The following ZHX3 variants were observed in gnomAD, a reference collection of about 807,000 sequenced individuals.
ZHX3 encodes the protein zinc fingers and homeoboxes protein 3.
ZHX3 carries 20 observed loss-of-function variants against 64.5 expected under a neutral mutation model. That is an observed-to-expected ratio of 0.31 (90% confidence interval 0.22 to 0.45). ZHX3 has a LOEUF of 0.45. Among genes scored for constraint, ZHX3 ranks in the 20% least tolerant of loss-of-function variants. The pLI is 1.00. For synonymous variants in ZHX3, 423 were observed against 461.6 expected (o/e 0.92, Z 1.07); for missense variants, 1,041 against 1,195.8 (o/e 0.87, Z 1.91).
chr20:41,300,900 AG>A (rs1278508193), intron 1 of ZHX3, among the ~76,000 whole-genome samples: 3 of 152,198 alleles, frequency 2.0e-5, no homozygotes. Context: ...GCTAAGGAGG[AG>A]GGCCTTTCAA....
intron 2 of ZHX3, among the ~76,000 whole-genome samples, chr20:41,225,171 C>A (rs753272027): frequency 2.0e-5 from 3 of 152,194 alleles, no homozygotes; most frequent in Admixed American, 6.5e-5. Flanking sequence ...CCTCACAATC[C>A]ATTTCCTCAT....
intron 2 of ZHX3, among the ~76,000 whole-genome samples, chr20:41,259,773 G>A (rs1014824275): frequency 1.3e-5 from 2 of 152,104 alleles, no homozygotes; most frequent in African/African-American, 2.4e-5. Flanking sequence ...CAATGACTCT[G>A]GGAGAATAGG....
intron 1 of ZHX3, among the ~76,000 whole-genome samples, chr20:41,273,988 A>AACATG (rs2043270294): frequency 6.6e-6 from 1 of 152,178 alleles, no homozygotes; most frequent in Non-Finnish European, 1.5e-5. Context: ...TCTATGATGT[A>AACATG]ATTTTAAGGT....
At position 41,232,191 on chromosome 20, in the gene ZHX3, T is replaced by C. The variant is rs1326383005; in HGVS notation, c.-150-27125A>G. ...GAGAAAAGGCCGAAGGGTGACTTAA[T>C]AACCATCTTCAATCATTGTTATTAC... On this transcript the variant is annotated intron_variant, in intron 2 of 3. Coordinates refer to ENST00000683867, the MANE Select transcript of ZHX3 (RefSeq NM_001384317.1). This position sits in a 1 kb window ranked among gnomAD's most constrained non-coding sequence, Gnocchi z 5.0. Among the ~76,000 whole-genome samples, 2 of 151,898 alleles carry C rather than the reference T, an allele frequency of 1.3e-5. No homozygotes were observed.
chr20:41,249,150 A>G (rs2041863881), intron 2 of ZHX3, among the ~76,000 whole-genome samples: 1 of 152,192 alleles, frequency 6.6e-6, no homozygotes, highest in African/African-American at 2.4e-5. Flanking sequence ...TTCCTCATTC[A>G]CAAATGGAAA....
At chr20:41,246,238 A>G (rs2041680243) in intron 2 of ZHX3, among the ~76,000 whole-genome samples, 1 of 152,222 alleles carries the variant, frequency 6.6e-6, no homozygotes, top group Non-Finnish European at 1.5e-5. Context: ...ACTAAAAGGT[A>G]TGTTTTCTGA....
chr20:41,253,171 A>T (rs1460958629), intron 2 of ZHX3, among the ~76,000 whole-genome samples: 1 of 151,808 alleles, frequency 6.6e-6, no homozygotes, highest in Non-Finnish European at 1.5e-5. Context: ...ACTTTAGCGT[A>T]TATTATTTGA....
intron 2 of ZHX3, among the ~76,000 whole-genome samples, chr20:41,250,781 T>C (rs2041953541): frequency 6.6e-6 from 1 of 152,012 alleles, no homozygotes. Context: ...AAAGAATAAC[T>C]CTTGAAAGCA....
chr20:41,232,334 T>G lies in ZHX3; in HGVS notation c.-150-27268A>C, dbSNP rs1474343072. On this transcript the variant is annotated intron_variant, in intron 2 of 3. Transcript: ENST00000683867. This position sits in a 1 kb window ranked among gnomAD's most constrained non-coding sequence, Gnocchi z 5.0. ...TAGTTTTAAACAAAGAACTCAATGG[T>G]TAAGAACTAGTATACAGCAAAGCAG... Among the ~76,000 whole-genome samples, 1 of 150,878 alleles carries G rather than the reference T, an allele frequency of 6.6e-6. No individual in the cohort carries two copies. Among genetic ancestry groups the G allele is most frequent in the Non-Finnish European group, 1.5e-5 (1 of 67,806 alleles).
At chr20:41,238,381 G>A (rs2041152592) in intron 2 of ZHX3, among the ~76,000 whole-genome samples, 1 of 151,862 alleles carries the variant, frequency 6.6e-6, no homozygotes, top group Non-Finnish European at 1.5e-5. Context: ...GAGACTAAGA[G>A]GGAAAAAAAG....
At chr20:41,218,923 GTTTTTTT>G (rs888061526) in intron 2 of ZHX3, among the ~76,000 whole-genome samples, 94 of 92,574 alleles carry the variant, frequency 1.0e-3, no homozygotes, top group African/African-American at 4.0e-3. Flanking sequence ...AAACAGTGCT[GTTTTTTT>G]TTTTTTTTTT....
chr20:41,295,303 T>C (rs2044453088), intron 1 of ZHX3, among the ~76,000 whole-genome samples: 1 of 152,008 alleles, frequency 6.6e-6, no homozygotes. Flanking sequence ...GCATAAAAAA[T>C]TAAAAATATA....
chr20:41,258,276 T>A (rs778238866), intron 2 of ZHX3, among the ~76,000 whole-genome samples: 1 of 152,220 alleles, frequency 6.6e-6, no homozygotes, highest in Non-Finnish European at 1.5e-5. Flanking sequence ...AGAGTTTCCA[T>A]ATATCCTGGC....
intron 2 of ZHX3, among the ~76,000 whole-genome samples, chr20:41,234,150 G>A (rs1384539684): frequency 6.6e-6 from 1 of 152,122 alleles, no homozygotes; most frequent in African/African-American, 2.4e-5. Flanking sequence ...AGCCTCACTC[G>A]GGCCCAACTT....
Position 41,203,610 on chromosome 20 carries a change from A to G in ZHX3, c.1307T>C (p.Leu436Ser), listed in dbSNP as rs138157230. Residue 436 changes from leucine to serine, a missense_variant, in exon 3 of 4, where the codon TTG becomes TCG. This residue lies in a region of ZHX3 where 649 missense variants were observed against 739.8 expected (regional missense o/e 0.88). Transcript: ENST00000683867. The surrounding 1 kb of genome is among the most constrained non-coding windows in gnomAD (Gnocchi z 7.1). ...GGGGAGAGGGGAACTTGTTGCTTGC[A>G]ACCCATTGGCCATCAATGGCTGAGT... ...LVTQPLMANGLQATSSPLPLT... is the reference protein window; with the variant it reads ...LVTQPLMANGSQATSSPLPLT... The G allele has an allele frequency of 6.0e-5, 97 of 1,614,032 alleles. No individual in the cohort carries two copies. The highest frequency in any genetic ancestry group is 1.3e-4 in the Admixed American group (8 of 60,010).
chr20:41,214,512 C>CT (rs1464761742), intron 2 of ZHX3, among the ~76,000 whole-genome samples: 1 of 152,110 alleles, frequency 6.6e-6, no homozygotes, highest in East Asian at 1.9e-4. Context: ...GGGCTACAGA[C>CT]CTCTTGAAGT....
chr20:41,181,398 A>C lies in ZHX3; in HGVS notation c.*3793T>G, dbSNP rs561118284. On this transcript the variant is annotated 3_prime_UTR_variant, in exon 4 of 4. Coordinates refer to ENST00000683867, the MANE Select transcript of ZHX3 (RefSeq NM_001384317.1). ...TCTGAGCAAGAAAAAAGAGAAGATG[A>C]CTTTAGGAAAATCCTAAACGAGGTT... The C allele has an allele frequency of 1.3e-5, 2 of 152,310 alleles. No homozygotes were observed. Among genetic ancestry groups the C allele is most frequent in the South Asian group, 4.1e-4 (2 of 4,820 alleles). 9.4% of individuals were successfully genotyped at this position (152,310 alleles called of 1,614,324 possible). A position where few individuals can be genotyped will look rare whatever the true frequency, so the allele number is the denominator to read the frequency against.
chr20:41,229,864 T>C (rs2040489617), intron 2 of ZHX3, among the ~76,000 whole-genome samples: 2 of 152,226 alleles, frequency 1.3e-5, no homozygotes, highest in Non-Finnish European at 2.9e-5. Flanking sequence ...CTCTGTCTTC[T>C]TCTAAGCATT....
chr20:41,315,633 C>T (rs1252133473), intron 1 of ZHX3, among the ~76,000 whole-genome samples: 2 of 151,936 alleles, frequency 1.3e-5, no homozygotes, highest in Non-Finnish European at 2.9e-5. Context: ...AGAGGACTAA[C>T]ATGATCTGAA....
Sources: gnomAD v4.1 joint callset for allele counts (sites outside exome capture counted in the v4.1 genomes callset) on GRCh38, gnomAD v4.1.1 for gene constraint, gnomAD v4.1.1 regional missense constraint, Gnocchi (gnomAD v3.1) non-coding constraint, MANE v1.5 for transcripts, NCBI Gene and HGNC (gene_info 2026-07-23, HGNC 2026-07-21) for gene names.